Variants in CFAP221 observed in about 807,000 individuals in gnomAD.
The protein encoded by CFAP221 is cilia and flagella associated protein 221.
A neutral mutation model predicts 113.1 loss-of-function variants in CFAP221; 97 were observed. The observed-to-expected ratio is 0.86, with a 90% confidence interval of 0.73 to 1.02. The LOEUF is 1.02. Ranked by LOEUF, CFAP221 falls within the 50% of genes least tolerant of loss-of-function variation. The pLI is 0.00. For synonymous variants in CFAP221, 331 were observed against 354.4 expected (o/e 0.93, Z 0.74); for missense variants, 1,025 against 1,013.4 (o/e 1.01, Z -0.16).
At chr2:119,655,228 A>G (rs547118002) in intron 23 of CFAP221, among the ~76,000 whole-genome samples, 17 of 152,212 alleles carry the variant, frequency 1.1e-4, no homozygotes, top group Non-Finnish European at 2.1e-4. Flanking sequence ...TGGCCCTTTC[A>G]AGACCCACAG....
chr2:119,628,294 G>GATGT (rs371675389), intron 16 of CFAP221, among the ~76,000 whole-genome samples: 9 of 137,586 alleles, frequency 6.5e-5, no homozygotes, highest in Non-Finnish European at 7.6e-5. Flanking sequence ...CTCTCTGGGG[G>GATGT]GTGTGTGTGT....
At chr2:119,612,364 C>T (rs1166498761) in intron 13 of CFAP221, among the ~76,000 whole-genome samples, 1 of 152,222 alleles carries the variant, frequency 6.6e-6, no homozygotes, top group South Asian at 2.1e-4. Flanking sequence ...AGGAAACGTA[C>T]AATCATGGCA....
rs1463228822 is a variant in CFAP221 at position 119,604,691 on chromosome 2, T to C, written c.811T>C (p.Leu271=). Reference sequence around the variant, plus strand: ...CTATAGATTAGAAGAGTTTGAAAGGTTGAATACCCTTTCTAAGAAAGTAAA... The same window carrying C: ...CTATAGATTAGAAGAGTTTGAAAGGCTGAATACCCTTTCTAAGAAAGTAAA... ...MALPLEEFER[L]NTLSKKVNVP... The change falls in exon 9 of 24, where the codon TTG becomes CTG. Residue 271 remains leucine, a synonymous_variant. Transcript: ENST00000413369. 1 of 1,558,120 alleles carries C rather than the reference T, an allele frequency of 6.4e-7. No homozygotes were observed. Among genetic ancestry groups the C allele is most frequent in the South Asian group, 1.2e-5 (1 of 82,184 alleles).
Position 119,646,907 on chromosome 2 carries a change from A to C in CFAP221, c.2226-51A>C, listed in dbSNP as rs764859092. The C allele has an allele frequency of 3.9e-4, 582 of 1,498,618 alleles. 1 individual carries two copies. The highest frequency in any genetic ancestry group is 4.7e-4 in the Non-Finnish European group (513 of 1,085,228). 92.8% of individuals were successfully genotyped at this position (1,498,618 alleles called of 1,614,324 possible). A position where few individuals can be genotyped will look rare whatever the true frequency, so the allele number is the denominator to read the frequency against. On this transcript the variant is annotated intron_variant, in intron 21 of 23. Coordinates refer to ENST00000413369, the MANE Select transcript of CFAP221 (RefSeq NM_001271049.2). ...CTTTAGAAAATTATGTAAAGACCCC[A>C]AGACTTCTAGTGTGACTCTATCTTT...
chr2:119,590,998 C>T (rs906659567), intron 7 of CFAP221, among the ~76,000 whole-genome samples: 8 of 152,178 alleles, frequency 5.3e-5, no homozygotes, highest in Non-Finnish European at 1.0e-4. Context: ...AGCCTTATCT[C>T]AGAAAACACA....
In CFAP221 at chr2:119,656,421, T is replaced by A; in HGVS notation, c.2474T>A (p.Met825Lys). ...GCCGGAGAGAAGCTGCTCGAGGAGA[T>A]GAGGAACCTGCGGGGCAAAGCACTC... is the stretch of plus-strand genomic sequence containing the variant. ...EKAGEKLLEEMRNLRGKALNT... is the reference protein window; with the variant it reads ...EKAGEKLLEEKRNLRGKALNT... Residue 825 changes from methionine to lysine, a missense_variant, in exon 24 of 24, where the codon ATG becomes AAG. By Grantham distance (95) the Met-to-Lys change is moderately conservative (BLOSUM62 -1). Transcript: ENST00000413369. 1.9e-6 allele frequency: 3 copies of A among 1,613,848 alleles called. No individual in the cohort carries two copies. Among genetic ancestry groups the A allele is most frequent in the South Asian group, 1.1e-5 (1 of 91,064 alleles).
intron 14 of CFAP221, among the ~76,000 whole-genome samples, chr2:119,621,114 A>G (rs1364021436): frequency 6.6e-6 from 1 of 151,834 alleles, no homozygotes; most frequent in Non-Finnish European, 1.5e-5. Flanking sequence ...AATCCCAGCT[A>G]CTCAGGAGGC....
At position 119,644,343 on chromosome 2, in the gene CFAP221, G is replaced by A. The variant is rs1687672266; in HGVS notation, c.2226-2615G>A. 2.0e-5 allele frequency among the ~76,000 whole-genome samples: 3 copies of A among 152,140 alleles called. No homozygotes were observed. In the South Asian group the frequency reaches 6.2e-4, roughly 32 times the overall value. On this transcript the variant is annotated intron_variant, in intron 21 of 23. Transcript: ENST00000413369. ...TTTGCTTCATGAAAAGCTCTTGGTT[G>A]CTGCCATTCCATTGTGCTAGACCAG...
chr2:119,545,975 G>C, intron 1 of CFAP221, 110 bp from the exon 2 acceptor site: 2 of 733,476 alleles, frequency 2.7e-6, no homozygotes, highest in South Asian at 2.1e-5. Context: ...GAGCCAGGGA[G>C]GGCATGAACC....
chr2:119,595,620 A>T (rs1308738002), intron 7 of CFAP221, among the ~76,000 whole-genome samples: 2 of 152,052 alleles, frequency 1.3e-5, no homozygotes, highest in Non-Finnish European at 2.9e-5. Context: ...TGGGCATCAG[A>T]CACTGGTATA....
At chr2:119,628,294 G>GGTGTGTGTGTGTGTGTGT (rs70949303) in intron 16 of CFAP221, among the ~76,000 whole-genome samples, 8 of 137,490 alleles carry the variant, frequency 5.8e-5, no homozygotes, top group South Asian at 2.4e-4. Flanking sequence ...CTCTCTGGGG[G>GGTGTGTGTGTGTGTGTGT]GTGTGTGTGT....
At chr2:119,607,480 G>A (rs1054907177) in intron 11 of CFAP221, among the ~76,000 whole-genome samples, 34 of 152,218 alleles carry the variant, frequency 2.2e-4, no homozygotes, top group Middle Eastern at 3.4e-3. Context: ...GCTGGGTTTC[G>A]TGATGAATAC....
intron 6 of CFAP221, among the ~76,000 whole-genome samples, chr2:119,582,004 CAACA>C (rs1473018493): frequency 1.3e-5 from 2 of 152,038 alleles, no homozygotes; most frequent in Non-Finnish European, 2.9e-5. Flanking sequence ...TCTTCATCAG[CAACA>C]AACAATTAAG....
Position 119,630,601 on chromosome 2 carries a change from A to T in CFAP221, c.1763A>T (p.Gln588Leu). ...VPQLYKIKRY[Q>L]PFSVHKSSTS... ...CAACTGTACAAAATTAAGAGATATC[A>T]GCCATTCTCTGTCCACAAGTCTTCA... Residue 588 changes from glutamine to leucine, a missense_variant, in exon 18 of 24, where the codon CAG (glutamine) becomes CTG (leucine). Physicochemically the swap from Gln to Leu is moderately radical, Grantham distance 113. Coordinates refer to ENST00000413369, the MANE Select transcript of CFAP221 (RefSeq NM_001271049.2). 1 of 1,613,564 alleles carries T rather than the reference A, an allele frequency of 6.2e-7. No homozygotes were observed. The highest frequency in any genetic ancestry group is 8.5e-7 in the Non-Finnish European group (1 of 1,179,444).
intron 14 of CFAP221, among the ~76,000 whole-genome samples, chr2:119,619,590 A>T (rs1373022069): frequency 6.6e-6 from 1 of 152,226 alleles, no homozygotes; most frequent in Non-Finnish European, 1.5e-5. Context: ...GAAGGTCACC[A>T]ACATCCAAGA....
chr2:119,640,334 A>G (rs140905974), intron 21 of CFAP221, among the ~76,000 whole-genome samples: 180 of 152,310 alleles, frequency 1.2e-3, no homozygotes, highest in African/African-American at 4.3e-3. Flanking sequence ...CTGTGAGACC[A>G]TGGCAATCCC....
chr2:119,639,824 T>C lies in CFAP221; in HGVS notation c.2177T>C (p.Leu726Pro), dbSNP rs1425613090. ...ATGCACTGGAAAAGCTTCCAGTCCC[T>C]GGTTCTCTCCTCCCTGCCGGACCCC... Reference protein sequence around the residue: ...GIMHWKSFQSLVLSSLPDPSK... With the variant: ...GIMHWKSFQSPVLSSLPDPSK... The change falls in exon 21 of 24, where the codon CTG (leucine) becomes CCG (proline). Residue 726 changes from leucine to proline, a missense_variant. By Grantham distance (98) the Leu-to-Pro change is moderately conservative. Coordinates refer to ENST00000413369, the MANE Select transcript of CFAP221 (RefSeq NM_001271049.2). The C allele has an allele frequency of 2.5e-6, 4 of 1,614,162 alleles. No individual in the cohort carries two copies. Among genetic ancestry groups the C allele is most frequent in the South Asian group, 1.1e-5 (1 of 91,074 alleles).
chr2:119,638,214 G>A, intron 19 of CFAP221, 45 bp from the exon 20 acceptor site: 3 of 1,603,260 alleles, frequency 1.9e-6, no homozygotes, highest in Non-Finnish European at 1.7e-6. Context: ...GCCTGGCTTA[G>A]AAACTGGTAA....
chr2:119,658,015 G>A (rs1040071581), downstream of CFAP221, among the ~76,000 whole-genome samples: 5 of 152,184 alleles, frequency 3.3e-5, no homozygotes, highest in African/African-American at 1.2e-4. Context: ...ATCATGGGGA[G>A]AGACTTTGAG....
Sources: allele counts gnomAD v4.1 joint callset (sites outside exome capture counted in the v4.1 genomes callset), GRCh38; gene constraint gnomAD v4.1.1; transcripts MANE v1.5; gene names NCBI Gene and HGNC (gene_info 2026-07-23, HGNC 2026-07-21).